The following EDEM1 variants were observed in gnomAD, a reference collection of about 807,000 sequenced individuals.
EDEM1 encodes ER degradation enhancing alpha-mannosidase like protein 1.
Under a neutral mutation model 74.4 loss-of-function variants are expected in EDEM1, and 67 were observed. The observed-to-expected ratio is 0.90, with a 90% CI of 0.74 to 1.10. The LOEUF (loss-of-function observed/expected upper bound fraction) is 1.10, where lower values mean the gene tolerates loss of function less well. Ranked by LOEUF, EDEM1 falls within the 50% of genes least tolerant of loss-of-function variation. The pLI, the probability that EDEM1 is intolerant of heterozygous loss-of-function variation, is 0.00. For missense variants in EDEM1, 926 were observed against 851.6 expected (o/e 1.09, Z -1.09); for synonymous variants, 382 against 335.9 (o/e 1.14, Z -1.50).
Position 5,216,205 on chromosome 3 carries a change from G to T in EDEM1, c.*287G>T, listed in dbSNP as rs951153036. On this transcript the variant is annotated 3_prime_UTR_variant, in exon 12 of 12. Transcript: ENST00000256497. ...AAGCACAATAGATGGGGCATCTTTG[G>T]ATTGATGTTCACAGCTTTATACTTC... 7.5e-6 allele frequency: 3 copies of T among 399,668 alleles called. No individual in the cohort carries two copies. Among genetic ancestry groups the T allele is most frequent in the African/African-American group, 6.3e-5 (3 of 47,660 alleles). The allele number at this position is 399,668 out of a possible 1,614,324, so 24.8% of individuals were successfully genotyped here.
intron 1 of EDEM1, among the ~76,000 whole-genome samples, chr3:5,189,821 C>CG (rs1559292263): frequency 6.6e-6 from 1 of 152,174 alleles, no homozygotes; most frequent in Non-Finnish European, 1.5e-5. Flanking sequence ...AGGATGGTCT[C>CG]ATCTCCTGAC....
chr3:5,194,744 A>G (rs1268926107), intron 1 of EDEM1, among the ~76,000 whole-genome samples: 1 of 152,272 alleles, frequency 6.6e-6, no homozygotes, highest in Non-Finnish European at 1.5e-5. Flanking sequence ...TAATATTGAC[A>G]CTGTCAATTA....
At position 5,213,319 on chromosome 3, in the gene EDEM1, C is replaced by G. The variant is rs1454329424; in HGVS notation, c.1681C>G (p.Leu561Val). ...GTATCTTTTTCTCCGTTCCCTCTAG[C>G]TGTTTGATGAAGACAATCCAGTACA... Reference protein sequence around the residue: ...LSETCKYLYLLFDEDNPVHKS... With the variant: ...LSETCKYLYLVFDEDNPVHKS... The change falls in exon 11 of 12, where the codon CTG becomes GTG. Residue 561 changes from leucine (L) to valine (V), a missense_variant and splice_region_variant. Transcript: ENST00000256497. The G allele has an allele frequency of 1.9e-6, 3 of 1,612,406 alleles. No homozygotes were observed. In the South Asian group the frequency reaches 3.3e-5, roughly 18 times the overall value.
At chr3:5,197,755 C>G (rs2054986953) in intron 2 of EDEM1, among the ~76,000 whole-genome samples, 1 of 152,186 alleles carries the variant, frequency 6.6e-6, no homozygotes, top group Non-Finnish European at 1.5e-5. Flanking sequence ...AGTCCCCTGA[C>G]CATTGGATGC....
chr3:5,202,007 G>T (rs2055040699), intron 4 of EDEM1, 83 bp downstream of exon 4: 1 of 1,484,412 alleles, frequency 6.7e-7, no homozygotes, highest in African/African-American at 1.4e-5. Flanking sequence ...ATTTATTTGG[G>T]AGAAGGAATG....
chr3:5,201,743 C>A lies in EDEM1; in HGVS notation c.687-10C>A. 1 of 1,613,692 alleles carries A rather than the reference C, an allele frequency of 6.2e-7. No homozygotes were observed. Among genetic ancestry groups the A allele is most frequent in the South Asian group, 1.1e-5 (1 of 90,982 alleles). On this transcript the variant is annotated splice_polypyrimidine_tract_variant and intron_variant, in intron 3 of 11. Transcript: ENST00000256497. ...CGATTGTATTATCTTTTTGTTCTTC[C>A]TGTCATTAGGGTCCTGGGAAGCCTC...
intron 6 of EDEM1, among the ~76,000 whole-genome samples, chr3:5,206,809 T>C (rs1575589734): frequency 6.6e-6 from 1 of 152,356 alleles, no homozygotes; most frequent in East Asian, 1.9e-4. Context: ...ACCAAGCTTT[T>C]CTGCTCAGGT....
At chr3:5,206,310 C>T (rs774618708) in intron 6 of EDEM1, among the ~76,000 whole-genome samples, 169 of 151,796 alleles carry the variant, frequency 1.1e-3, no homozygotes, top group Middle Eastern at 3.4e-3. Context: ...TGCGTTCAAG[C>T]GATTCTCCTG....
chr3:5,218,030 G>A lies in EDEM1; in HGVS notation c.*2112G>A, dbSNP rs978040224. ...TAATGAGGCACTTTGCCTGTCACTC[G>A]AGCAAGCCTGGGTGTTCCTTCCTCC... On this transcript the variant is annotated 3_prime_UTR_variant, in exon 12 of 12. Transcript: ENST00000256497. 4 of 152,352 alleles carry A rather than the reference G, an allele frequency of 2.6e-5. No individual in the cohort carries two copies. The highest frequency in any genetic ancestry group is 2.9e-5 in the Non-Finnish European group (2 of 68,048). The allele number at this position is 152,352 out of a possible 1,614,324, so 9.4% of individuals were successfully genotyped here.
At chr3:5,212,904 TG>T (rs1233994936) in intron 10 of EDEM1, among the ~76,000 whole-genome samples, 1 of 152,230 alleles carries the variant, frequency 6.6e-6, no homozygotes, top group African/African-American at 2.4e-5. Flanking sequence ...GGATAAAACT[TG>T]GTCCCTCCCT....
At chr3:5,195,156 G>T in intron 1 of EDEM1, 53 bp from the exon 2 acceptor site, 1 of 1,104,022 alleles carries the variant, frequency 9.1e-7, no homozygotes, top group Non-Finnish European at 1.2e-6. Flanking sequence ...TACTTTTATT[G>T]TCTTCTCTTT....
At chr3:5,197,485 A>G (rs113484124) in intron 2 of EDEM1, among the ~76,000 whole-genome samples, 2,078 of 152,316 alleles carry the variant, frequency 0.014, 49 homozygotes, top group African/African-American at 0.048. Context: ...ATAAACTACA[A>G]TAAGTAAGAG....
intron 7 of EDEM1, among the ~76,000 whole-genome samples, chr3:5,207,862 A>G (rs2055117438): frequency 6.6e-6 from 1 of 152,160 alleles, no homozygotes; most frequent in Non-Finnish European, 1.5e-5. Context: ...GTTCATGAGT[A>G]CACGTAATCT....
chr3:5,215,715 C>T, intron 11 of EDEM1, 114 bp from the exon 12 acceptor site: 2 of 975,968 alleles, frequency 2.0e-6, no homozygotes, highest in Admixed American at 2.0e-5. Context: ...ACAACAGTTA[C>T]TTCCAAACGT....
chr3:5,207,127 A>G (rs765077172), intron 6 of EDEM1, 26 bp from the exon 7 acceptor site: 2 of 1,612,918 alleles, frequency 1.2e-6, no homozygotes, highest in South Asian at 1.1e-5. Flanking sequence ...TCTTTTCACC[A>G]CTGAATGTGC....
chr3:5,198,323 C>T (rs1027077491), intron 2 of EDEM1, among the ~76,000 whole-genome samples: 1 of 152,198 alleles, frequency 6.6e-6, no homozygotes, highest in African/African-American at 2.4e-5. Context: ...TATGGGCTTA[C>T]AGACCTGAGC....
intron 3 of EDEM1, among the ~76,000 whole-genome samples, chr3:5,200,157 C>G (rs1575586986): frequency 6.6e-6 from 1 of 152,166 alleles, no homozygotes; most frequent in Non-Finnish European, 1.5e-5. Flanking sequence ...GTCTCGAACT[C>G]CTGACCTCAA....
intron 11 of EDEM1, among the ~76,000 whole-genome samples, chr3:5,215,230 C>G (rs530888030): frequency 6.7e-6 from 1 of 150,294 alleles, no homozygotes; most frequent in South Asian, 2.1e-4. Context: ...ACAACTGCTT[C>G]CAGGGATGTC....
intron 1 of EDEM1, among the ~76,000 whole-genome samples, chr3:5,189,744 A>G (rs2054877290): frequency 6.6e-6 from 1 of 151,942 alleles, no homozygotes; most frequent in Non-Finnish European, 1.5e-5. Flanking sequence ...GGGACTACAG[A>G]CTCGTGCCAC....
Sources: allele counts gnomAD v4.1 joint callset (sites outside exome capture counted in the v4.1 genomes callset), GRCh38; gene constraint gnomAD v4.1.1; transcripts MANE v1.5; gene names NCBI Gene and HGNC (gene_info 2026-07-23, HGNC 2026-07-21).